MAP3K5: variants seen among roughly 807,000 people sequenced by gnomAD.
MAP3K5 encodes ASK-1.
A neutral mutation model predicts 158.7 loss-of-function variants in MAP3K5; 56 were observed. The ratio of observed to expected loss-of-function variants is 0.35; its 90% CI spans 0.28 to 0.44. The LOEUF (loss-of-function observed/expected upper bound fraction) is 0.44. Among genes scored for constraint, MAP3K5 ranks in the 20% least tolerant of loss-of-function variants. The pLI is 1.00. For synonymous variants in MAP3K5, 579 were observed against 601.7 expected (o/e 0.96, Z 0.55); for missense variants, 1,294 against 1,674.8 (o/e 0.77, Z 3.97).
At position 136,738,383 on chromosome 6, in the gene MAP3K5, T is replaced by C. The variant is rs568512248; in HGVS notation, c.449-17794A>G. On this transcript the variant is annotated intron_variant, in intron 1 of 29. Transcript: ENST00000359015. ...GTCTGTGTCCTCCAAGGGACCTGAC[T>C]GTTTTAACAGAAATACCCGGCAGAG... Among the ~76,000 whole-genome samples, 22 of 152,286 alleles carry C rather than the reference T, an allele frequency of 1.4e-4. No homozygotes were observed. In the South Asian group the frequency reaches 4.6e-3, roughly 32 times the overall value.
At position 136,693,727 on chromosome 6, in the gene MAP3K5, C is replaced by T. The variant is rs921805034; in HGVS notation, c.1253+413G>A. ...ACTCTAAGATTGGCCCGGTGGCTCACGCCTGTAATCCCAGCACTTGAGGAG... is the reference window on the plus strand; with the variant it reads ...ACTCTAAGATTGGCCCGGTGGCTCATGCCTGTAATCCCAGCACTTGAGGAG... On this transcript the variant is annotated intron_variant, in intron 7 of 29. Transcript: ENST00000359015. 1.5e-4 allele frequency among the ~76,000 whole-genome samples: 23 copies of T among 152,264 alleles called. 1 individual carries two copies. In the East Asian group the frequency reaches 3.5e-3, roughly 23 times the overall value.
intron 21 of MAP3K5, among the ~76,000 whole-genome samples, chr6:136,597,939 A>T (rs1367851385): frequency 6.6e-6 from 1 of 152,244 alleles, no homozygotes; most frequent in African/African-American, 2.4e-5. Context: ...TAATAGCCAC[A>T]TATGACTAGT....
At chr6:136,753,335 C>T (rs558702985) in intron 1 of MAP3K5, among the ~76,000 whole-genome samples, 3 of 152,050 alleles carry the variant, frequency 2.0e-5, no homozygotes, top group East Asian at 1.9e-4. Flanking sequence ...CAAAAGTATA[C>T]GAACCTAGCA....
chr6:136,607,173 G>A (rs1037545956), intron 18 of MAP3K5, among the ~76,000 whole-genome samples: 18 of 152,114 alleles, frequency 1.2e-4, no homozygotes, highest in African/African-American at 2.7e-4. Flanking sequence ...TGGTCTTTTC[G>A]AAAATGCATC....
intron 1 of MAP3K5, among the ~76,000 whole-genome samples, chr6:136,770,802 G>T (rs113398002): frequency 6.2e-4 from 95 of 152,170 alleles, no homozygotes; most frequent in African/African-American, 1.7e-3. Flanking sequence ...TCGGATATAT[G>T]TATGAAGCAA....
chr6:136,611,779 T>C (rs1776356274), intron 17 of MAP3K5, among the ~76,000 whole-genome samples: 1 of 152,202 alleles, frequency 6.6e-6, no homozygotes. Context: ...ACTATCTTTG[T>C]AAAACTAATG....
In MAP3K5 at chr6:136,567,734, TAGCCAC is replaced by T; in HGVS notation, c.3652_3657del (p.Val1218_Ala1219del). On this transcript the variant is annotated inframe_deletion, in exon 26 of 30. Transcript: ENST00000359015. ...GAACTGAGCGTGCTCACGCCTGAGGTAGCCACAGCATCTTCAATGACAGCCTGAGGT... is the reference window on the plus strand; with the variant it reads ...GAACTGAGCGTGCTCACGCCTGAGGTAGCATCTTCAATGACAGCCTGAGGT... 6.2e-7 allele frequency: 1 copy of T among 1,614,136 alleles called. No individual in the cohort carries two copies. Among genetic ancestry groups the T allele is most frequent in the Non-Finnish European group, 8.5e-7 (1 of 1,180,034 alleles).
At chr6:136,640,008 C>A (rs1777848300) in intron 12 of MAP3K5, among the ~76,000 whole-genome samples, 1 of 152,192 alleles carries the variant, frequency 6.6e-6, no homozygotes, top group African/African-American at 2.4e-5. Context: ...TGGTGCTATG[C>A]AATCTGTAGA....
intron 1 of MAP3K5, among the ~76,000 whole-genome samples, chr6:136,740,355 A>G (rs2114872492): frequency 6.6e-6 from 1 of 152,182 alleles, no homozygotes; most frequent in Non-Finnish European, 1.5e-5. Flanking sequence ...TCTTCCTCCA[A>G]GGGCTGATCT....
intron 7 of MAP3K5, among the ~76,000 whole-genome samples, chr6:136,674,535 A>C (rs965191847): frequency 4.6e-5 from 7 of 152,050 alleles, no homozygotes; most frequent in Non-Finnish European, 1.0e-4. Context: ...GAGGACTAAA[A>C]GAACAAAAAA....
intron 8 of MAP3K5, among the ~76,000 whole-genome samples, chr6:136,664,389 A>G (rs1705477418): frequency 6.6e-6 from 1 of 152,112 alleles, no homozygotes; most frequent in Non-Finnish European, 1.5e-5. Context: ...TTACAATGCA[A>G]TAGAAATAAA....
At chr6:136,605,998 A>G (rs1776082568) in intron 18 of MAP3K5, among the ~76,000 whole-genome samples, 1 of 152,204 alleles carries the variant, frequency 6.6e-6, no homozygotes, top group Non-Finnish European at 1.5e-5. Context: ...TAACAGGTTT[A>G]AGAGATCAAA....
In MAP3K5 at chr6:136,732,151, G is replaced by T. The variant is rs569455275; in HGVS notation, c.449-11562C>A. On this transcript the variant is annotated intron_variant, in intron 1 of 29. Coordinates refer to ENST00000359015, the MANE Select transcript of MAP3K5 (RefSeq NM_005923.4). ...GGTAAGAAGGAGAGAAGTACCAGGC[G>T]CAGTGGCTCACGTCTGTAATCCCAG... Among the ~76,000 whole-genome samples the T allele has an allele frequency of 2.0e-4, 30 of 152,236 alleles. No individual in the cohort carries two copies. In the South Asian group the frequency reaches 6.0e-3, roughly 31 times the overall value.
At chr6:136,694,096 T>C (rs1485556896) in intron 7 of MAP3K5, 44 bp downstream of exon 7, 3 of 1,506,136 alleles carry the variant, frequency 2.0e-6, no homozygotes, top group Non-Finnish European at 2.7e-6. Flanking sequence ...TTTTATGCCA[T>C]GGATTTACTA....
At chr6:136,560,020 C>A (rs1210608972) in intron 28 of MAP3K5, among the ~76,000 whole-genome samples, 1 of 151,814 alleles carries the variant, frequency 6.6e-6, no homozygotes, top group Non-Finnish European at 1.5e-5. Flanking sequence ...AATAAATTAT[C>A]AAGTCAAAAG....
rs530001319 is a variant in MAP3K5 at position 136,736,584 on chromosome 6, C to T, written c.449-15995G>A. 4.6e-5 allele frequency among the ~76,000 whole-genome samples: 7 copies of T among 152,302 alleles called. No homozygotes were observed. The South Asian group carries it at 1.2e-3, about 27-fold the overall frequency. ...AACTGATCTTTTAACTGCTGACAGA[C>T]AGGTGGCTGGACTTCACTGACTATA... On this transcript the variant is annotated intron_variant, in intron 1 of 29. Transcript: ENST00000359015.
At chr6:136,659,458 A>T in intron 8 of MAP3K5, 80 bp from the exon 9 acceptor site, 1 of 1,295,128 alleles carries the variant, frequency 7.7e-7, no homozygotes, top group Non-Finnish European at 1.1e-6. Flanking sequence ...AAGTAAAATT[A>T]AGCTTTCATT....
chr6:136,604,243 A>AC (rs1450054970), intron 19 of MAP3K5, among the ~76,000 whole-genome samples: 2 of 151,136 alleles, frequency 1.3e-5, no homozygotes, highest in East Asian at 3.9e-4. Flanking sequence ...AATTGCTTGA[A>AC]CTCAGGAGAC....
Position 136,562,557 on chromosome 6 carries a change from T to A in MAP3K5, c.3820A>T (p.Ile1274Phe). ...KELQALLHRA[I>F]EEKDQEIKHL... ...TTAATTTCTTGGTCTTTTTCTTCAA[T>A]AGCTCGATGAAGGAGTGCTTGTAAT... The change falls in exon 27 of 30, where the codon ATT becomes TTT. Residue 1274 changes from isoleucine (I) to phenylalanine (F), a missense_variant. Coordinates refer to ENST00000359015, the MANE Select transcript of MAP3K5 (RefSeq NM_005923.4). 6.2e-7 allele frequency: 1 copy of A among 1,604,758 alleles called. No homozygotes were observed. The highest frequency in any genetic ancestry group is 8.5e-7 in the Non-Finnish European group (1 of 1,175,754).
Sources: allele counts gnomAD v4.1 joint callset (sites outside exome capture counted in the v4.1 genomes callset), GRCh38; gene constraint gnomAD v4.1.1; transcripts MANE v1.5; gene names NCBI Gene and HGNC (gene_info 2026-07-23, HGNC 2026-07-21).